CSMD1: variants seen among roughly 807,000 people sequenced by gnomAD.
CSMD1 encodes the protein CUB and Sushi multiple domains 1.
A neutral mutation model predicts 417.5 loss-of-function variants in CSMD1; 213 were observed. The ratio of observed to expected loss-of-function variants is 0.51; its 90% CI spans 0.46 to 0.57. The LOEUF (loss-of-function observed/expected upper bound fraction) is 0.57. CSMD1 is among the 20% of genes least tolerant of loss of function. CSMD1 has a pLI of 0.00. For missense variants in CSMD1, 6,923 were observed against 4,529.7 expected (o/e 1.53, Z -15.17); for synonymous variants, 2,862 against 1,736.8 (o/e 1.65, Z -16.11).
chr8:3,858,132 A>C (rs1183995683), intron 5 of CSMD1, among the ~76,000 whole-genome samples: 1 of 152,224 alleles, frequency 6.6e-6, no homozygotes, highest in African/African-American at 2.4e-5. Context: ...GATCTTAGCT[A>C]TCTCTCACTA....
chr8:4,711,664 G>T (rs1808307327), intron 1 of CSMD1, among the ~76,000 whole-genome samples: 1 of 29,482 alleles, frequency 3.4e-5, no homozygotes, highest in African/African-American at 3.2e-4. Flanking sequence ...TTTACTGTAG[G>T]TAAATTTAAA....
chr8:3,949,863 C>A (rs570972382), intron 5 of CSMD1: 72 of 455,142 alleles, frequency 1.6e-4, no homozygotes, highest in South Asian at 1.0e-3. Flanking sequence ...GGGGACATGG[C>A]CTCCTCATTC....
chr8:4,820,988 A>G (rs1373090044), intron 1 of CSMD1, among the ~76,000 whole-genome samples: 1 of 152,170 alleles, frequency 6.6e-6, no homozygotes, highest in African/African-American at 2.4e-5. Flanking sequence ...AAGAGACACA[A>G]TCTGCACGTA....
chr8:4,107,845 A>G (rs1268384851), intron 3 of CSMD1, among the ~76,000 whole-genome samples: 1 of 152,208 alleles, frequency 6.6e-6, no homozygotes, highest in Non-Finnish European at 1.5e-5. Flanking sequence ...CAGGCTGCAC[A>G]TTCTCTCTGA....
At chr8:4,763,490 A>G in intron 1 of CSMD1, among the ~76,000 whole-genome samples, 1 of 152,168 alleles carries the variant, frequency 6.6e-6, no homozygotes, top group Admixed American at 6.5e-5. Context: ...ATCATTCAAT[A>G]ATTTATTGAT....
rs1801641234 is a variant in CSMD1, at chr8:2,938,394, G to A, written c.*191C>T. On this transcript the variant is annotated 3_prime_UTR_variant, in exon 70 of 70. Coordinates refer to ENST00000635120, the MANE Select transcript of CSMD1 (RefSeq NM_033225.6). ...ACCCACTTTTGGAATGAAAACGCAT[G>A]TGTAGTTTGATCCGTAGAAGACCCT... 2 of 537,308 alleles carry A rather than the reference G, an allele frequency of 3.7e-6. No individual in the cohort carries two copies. Among genetic ancestry groups the A allele is most frequent in the East Asian group, 3.1e-5 (1 of 32,496 alleles). The allele number at this position is 537,308 out of a possible 1,614,324, so 33.3% of individuals were successfully genotyped here.
chr8:4,176,719 A>G (rs935343274), intron 3 of CSMD1, among the ~76,000 whole-genome samples: 1 of 150,892 alleles, frequency 6.6e-6, no homozygotes, highest in Non-Finnish European at 1.5e-5. Flanking sequence ...GGCTCAAAAT[A>G]AAAGGATGGA....
chr8:3,041,278 C>T (rs1314986870), intron 50 of CSMD1, among the ~76,000 whole-genome samples: 4 of 151,914 alleles, frequency 2.6e-5, no homozygotes, highest in Admixed American at 1.3e-4. Flanking sequence ...AAATATATCC[C>T]GTAAAATGCA....
At chr8:3,722,902 C>A (rs763853285) in intron 6 of CSMD1, among the ~76,000 whole-genome samples, 1 of 99,166 alleles carries the variant, frequency 1.0e-5, no homozygotes, top group African/African-American at 3.2e-5. Flanking sequence ...ACTTGAGAGA[C>A]TAGCAAACTA....
At chr8:4,474,163 C>T (rs1425375411) in intron 2 of CSMD1, among the ~76,000 whole-genome samples, 1 of 152,084 alleles carries the variant, frequency 6.6e-6, no homozygotes, top group Non-Finnish European at 1.5e-5. Context: ...ACAATTTCCA[C>T]ACATGGAAAT....
At chr8:4,868,838 A>G (rs1248185096) in intron 1 of CSMD1, among the ~76,000 whole-genome samples, 1 of 151,984 alleles carries the variant, frequency 6.6e-6, no homozygotes, top group Non-Finnish European at 1.5e-5. Context: ...TCTACAAAAT[A>G]GAAATTGATA....
At chr8:4,770,830 C>T (rs1489502297) in intron 1 of CSMD1, among the ~76,000 whole-genome samples, 1 of 152,038 alleles carries the variant, frequency 6.6e-6, no homozygotes, top group East Asian at 1.9e-4. Flanking sequence ...AAATCCTAAA[C>T]ATAAGACCTG....
chr8:3,100,323 G>A (rs1054225898), intron 46 of CSMD1, among the ~76,000 whole-genome samples: 1 of 152,112 alleles, frequency 6.6e-6, no homozygotes, highest in Non-Finnish European at 1.5e-5. Flanking sequence ...ACCATGCTCG[G>A]CCTAAGAAGC....
At chr8:4,734,676 C>G (rs1286864819) in intron 1 of CSMD1, among the ~76,000 whole-genome samples, 4 of 152,000 alleles carry the variant, frequency 2.6e-5, no homozygotes, top group African/African-American at 9.7e-5. Flanking sequence ...TAGCTCTTAC[C>G]CATTTGACAT....
chr8:4,791,208 G>A (rs1797670086), intron 1 of CSMD1, among the ~76,000 whole-genome samples: 3 of 151,872 alleles, frequency 2.0e-5, no homozygotes, highest in Admixed American at 2.0e-4. Context: ...GGAGAGGTGC[G>A]TGGAAGAAGC....
intron 1 of CSMD1, among the ~76,000 whole-genome samples, chr8:4,648,767 T>C (rs1424514534): frequency 1.8e-4 from 28 of 152,352 alleles, no homozygotes; most frequent in Admixed American, 1.8e-3. Context: ...TACTCCATTA[T>C]GTTGGAGTTG....
intron 41 of CSMD1, among the ~76,000 whole-genome samples, chr8:3,134,842 G>A (rs1244213052): frequency 6.6e-6 from 1 of 152,130 alleles, no homozygotes; most frequent in Non-Finnish European, 1.5e-5. Context: ...TCTGTGAAAT[G>A]TGCATAACCC....
In CSMD1 at chr8:3,284,235, C is replaced by A. The variant is rs781559921; in HGVS notation, c.4062G>T (p.Pro1354=). The part of the protein sequence containing the change: ...LLKEWSGSAL[P]EDIHSTFNSL... ...AGTTGAAGGTGCTGTGGATGTCCTC[C>A]GGAAGGGCGGAGCCACTCCACTCCT... The change falls in exon 26 of 70, where the codon CCG becomes CCT. Residue 1354 remains proline, a synonymous_variant. Coordinates refer to ENST00000635120, the MANE Select transcript of CSMD1 (RefSeq NM_033225.6). 6.2e-7 allele frequency: 1 copy of A among 1,613,294 alleles called. No homozygotes were observed. The highest frequency in any genetic ancestry group is 8.5e-7 in the Non-Finnish European group (1 of 1,179,678).
chr8:4,081,828 G>GC (rs1397592013), intron 3 of CSMD1, among the ~76,000 whole-genome samples: 1 of 149,556 alleles, frequency 6.7e-6, no homozygotes, highest in Admixed American at 6.9e-5. Flanking sequence ...TACAAATAAA[G>GC]TTAAAAAAAG....
Sources: gnomAD v4.1 joint callset for allele counts (sites outside exome capture counted in the v4.1 genomes callset) on GRCh38, gnomAD v4.1.1 for gene constraint, MANE v1.5 for transcripts, NCBI Gene and HGNC (gene_info 2026-07-23, HGNC 2026-07-21) for gene names.